The following MAST4 variants were observed in gnomAD, a reference collection of about 807,000 sequenced individuals.
The protein encoded by MAST4 is microtubule-associated serine/threonine-protein kinase 4.
MAST4 carries 89 observed loss-of-function variants against 162.7 expected under a neutral mutation model. The observed-to-expected ratio is 0.55, with a 90% CI of 0.46 to 0.65. The LOEUF (loss-of-function observed/expected upper bound fraction) is 0.65, where lower values mean the gene tolerates loss of function less well. MAST4 is among the 30% of genes least tolerant of loss of function. The pLI is 0.00. For synonymous variants in MAST4, 1,479 were observed against 1,361.1 expected, an observed-to-expected ratio of 1.09 and a Z score of -1.91; for missense variants, 3,153 against 3,374.0, an observed-to-expected ratio of 0.93 and a Z score of 1.62.
chr5:66,927,125 C>T (rs541195412), intron 4 of MAST4, among the ~76,000 whole-genome samples: 2 of 152,286 alleles, frequency 1.3e-5, no homozygotes, highest in Admixed American at 6.5e-5. Flanking sequence ...GCTTTCTTCT[C>T]CAGCTTTTTA....
At chr5:66,739,846 GTTTTTT>G (rs35980021) in intron 1 of MAST4, among the ~76,000 whole-genome samples, 3 of 135,714 alleles carry the variant, frequency 2.2e-5, no homozygotes, top group Admixed American at 2.2e-4. Context: ...CATCACTCTT[GTTTTTT>G]TTTTTTTTTT....
chr5:66,607,137 G>A (rs1181308417), intron 1 of MAST4, among the ~76,000 whole-genome samples: 2 of 152,142 alleles, frequency 1.3e-5, no homozygotes, highest in African/African-American at 4.8e-5. Context: ...GGTTTGAGGA[G>A]ATCATCAAGC....
intron 4 of MAST4, chr5:66,959,017 C>T: frequency 2.1e-6 from 1 of 480,316 alleles, no homozygotes; most frequent in Admixed American, 3.2e-5. Context: ...AAGCCTCGTT[C>T]CTTTAACAAA....
At chr5:66,742,085 GT>G (rs1752506645) in intron 1 of MAST4, among the ~76,000 whole-genome samples, 1 of 151,964 alleles carries the variant, frequency 6.6e-6, no homozygotes, top group African/African-American at 2.4e-5. Context: ...CCCTTAGCTT[GT>G]CTCTTGTTTC....
At chr5:66,800,542 G>A (rs913697859) in intron 3 of MAST4, among the ~76,000 whole-genome samples, 1 of 152,108 alleles carries the variant, frequency 6.6e-6, no homozygotes, top group Non-Finnish European at 1.5e-5. Context: ...GGGCCTGCTT[G>A]AGGGTGGAGG....
At chr5:66,708,727 A>G (rs918258626) in intron 1 of MAST4, among the ~76,000 whole-genome samples, 2 of 152,230 alleles carry the variant, frequency 1.3e-5, no homozygotes, top group East Asian at 1.9e-4. Flanking sequence ...AAACCCGTTT[A>G]GTAGCCATTA....
intron 1 of MAST4, chr5:66,623,015 T>A (rs1013553420): frequency 7.2e-5 from 11 of 152,362 alleles, no homozygotes; most frequent in Non-Finnish European, 1.3e-4. Flanking sequence ...GACTTTGTGC[T>A]ACTATGGGTC....
chr5:66,971,683 A>T (rs182431448), intron 4 of MAST4, among the ~76,000 whole-genome samples: 279 of 152,320 alleles, frequency 1.8e-3, no homozygotes, highest in African/African-American at 6.4e-3. Flanking sequence ...ATGGAGGCTT[A>T]ACAGTTATCT....
At chr5:66,858,057 A>G (rs1305467806) in intron 3 of MAST4, among the ~76,000 whole-genome samples, 2 of 152,050 alleles carry the variant, frequency 1.3e-5, no homozygotes, top group Non-Finnish European at 2.9e-5. Context: ...CCTGGGTTCA[A>G]CTGATTCTTC....
intron 4 of MAST4, among the ~76,000 whole-genome samples, chr5:66,934,672 T>G (rs1225835407): frequency 6.6e-6 from 1 of 152,114 alleles, no homozygotes; most frequent in African/African-American, 2.4e-5. Flanking sequence ...ATTAACTGCA[T>G]AAACCTAAGC....
At chr5:67,110,408 G>A (rs1480690720) in intron 11 of MAST4, among the ~76,000 whole-genome samples, 4 of 152,190 alleles carry the variant, frequency 2.6e-5, no homozygotes, top group South Asian at 4.1e-4. Flanking sequence ...TCTATTAAGT[G>A]ATGGTCATAC....
At chr5:66,907,587 CGTGT>C (rs59273615) in intron 4 of MAST4, among the ~76,000 whole-genome samples, 16,224 of 143,510 alleles carry the variant, frequency 0.11, 976 homozygotes, top group East Asian at 0.17. Flanking sequence ...TAGGTTGATG[CGTGT>C]GTGTGTGTGT....
intron 1 of MAST4, among the ~76,000 whole-genome samples, chr5:66,630,901 G>C (rs1057078983): frequency 6.6e-6 from 1 of 152,208 alleles, no homozygotes; most frequent in African/African-American, 2.4e-5. Flanking sequence ...GGCCATAAAG[G>C]TGTTGCATTC....
intron 4 of MAST4, among the ~76,000 whole-genome samples, chr5:67,009,040 A>G (rs1265466823): frequency 1.3e-5 from 2 of 152,154 alleles, no homozygotes; most frequent in African/African-American, 4.8e-5. Flanking sequence ...CCCAAATCCC[A>G]ATTAACTCCA....
intron 4 of MAST4, among the ~76,000 whole-genome samples, chr5:66,938,186 G>T (rs921700828): frequency 6.6e-6 from 1 of 151,934 alleles, no homozygotes; most frequent in Non-Finnish European, 1.5e-5. Context: ...TTCCAAATCA[G>T]CATTACATAA....
chr5:66,951,741 C>T (rs1165691803), intron 4 of MAST4, among the ~76,000 whole-genome samples: 2 of 151,554 alleles, frequency 1.3e-5, no homozygotes, highest in Non-Finnish European at 2.9e-5. Context: ...GGGTGTTTTT[C>T]TCCTTTTTAG....
chr5:66,760,483 G>A (rs1461102841), intron 2 of MAST4, among the ~76,000 whole-genome samples: 2 of 152,080 alleles, frequency 1.3e-5, no homozygotes, highest in Non-Finnish European at 2.9e-5. Context: ...AACTACTGCC[G>A]TGATCAGGAT....
intron 3 of MAST4, among the ~76,000 whole-genome samples, chr5:66,839,653 T>G (rs1376728559): frequency 6.6e-6 from 1 of 152,114 alleles, no homozygotes; most frequent in African/African-American, 2.4e-5. Flanking sequence ...TCCAATACAG[T>G]TTTTGAAAGG....
At position 67,134,613 on chromosome 5, in the gene MAST4, C is replaced by G. The variant is rs770368556; in HGVS notation, c.2317C>G (p.Leu773Val). 1 of 1,613,642 alleles carries G rather than the reference C, an allele frequency of 6.2e-7. No homozygotes were observed. The highest frequency in any genetic ancestry group is 1.1e-5 in the South Asian group (1 of 91,062). Residue 773 changes from leucine to valine, a missense_variant, in exon 18 of 29, where the codon CTC (leucine) becomes GTC (valine). Leu to Val is a conservative substitution (Grantham distance 32, BLOSUM62 1). This residue lies in a region of MAST4 where 131 missense variants were observed against 253.8 expected (regional missense o/e 0.52). Transcript: ENST00000403625. ...PVDWWAMGII[L>V]YEFLVGCVPF... is the part of the protein sequence containing the mutation. The stretch of plus-strand genomic sequence containing the variant: ...GGACTGGTGGGCCATGGGGATTATC[C>G]TCTATGAATTTCTGGTTGGATGCGT...
Sources: allele counts gnomAD v4.1 joint callset (sites outside exome capture counted in the v4.1 genomes callset), GRCh38; gene constraint gnomAD v4.1.1; regional missense constraint gnomAD v4.1.1; transcripts MANE v1.5; gene names NCBI Gene and HGNC (gene_info 2026-07-23, HGNC 2026-07-21).